Variants in UPRT observed in about 807,000 individuals in gnomAD.
The protein encoded by UPRT is uracil phosphoribosyltransferase homolog.
Under a neutral mutation model 22.6 loss-of-function variants are expected in UPRT, and 5 were observed. The observed-to-expected ratio is 0.22, with a 90% CI of 0.12 to 0.47. The LOEUF is 0.47. UPRT is among the 20% of genes least tolerant of loss of function. The probability of loss-of-function intolerance (pLI) is 0.99; values close to 1 mark genes in which losing one functional copy is unlikely to be tolerated. For synonymous variants in UPRT, 77 were observed against 87.7 expected (o/e 0.88, Z 0.68); for missense variants, 181 against 239.9 (o/e 0.75, Z 1.62).
intron 1 of UPRT, among the ~76,000 whole-genome samples, chrX:75,277,709 ACT>A (rs1336510632): frequency 9.0e-6 from 1 of 111,637 alleles, no homozygotes. Flanking sequence ...AATGAATTTA[ACT>A]CTATGTGGAA....
At chrX:75,202,253 C>A (rs981040393) in intron 4 of UPRT, among the ~76,000 whole-genome samples, 1 of 110,809 alleles carries the variant, frequency 9.0e-6, no homozygotes, top group East Asian at 2.8e-4. Context: ...TACTAAGATT[C>A]TTTTATTATT....
chrX:75,272,372 A>ATATATATATGTGTATATATATATG (rs2082614012), upstream of UPRT, among the ~76,000 whole-genome samples: 1 of 89,781 alleles, frequency 1.1e-5, no homozygotes, highest in Non-Finnish European at 2.1e-5. Context: ...ATATATATAT[A>ATATATATATGTGTATATATATATG]TGTATATATA....
At position 75,274,142 on chromosome X, in the gene UPRT, A is replaced by T. The variant is rs2082620756; in HGVS notation, c.-113A>T. 9.4e-7 allele frequency: 1 copy of T among 1,065,077 alleles called. No homozygotes were observed. Among genetic ancestry groups the T allele is most frequent in the South Asian group, 2.4e-5 (1 of 42,059 alleles). The allele number at this position is 1,065,077 out of a possible 1,213,427, so 87.8% of individuals were successfully genotyped here. On this transcript the variant is annotated 5_prime_UTR_variant, in exon 1 of 7. An upstream start codon of the reference 5' UTR is lost. Transcript: ENST00000373383. Reference sequence around the variant, plus strand: ...GGGGTGAAAGGACAGCCAGGGTTAGATGTTCTGAGGAGGCGGGAGCAACCG... The same window carrying T: ...GGGGTGAAAGGACAGCCAGGGTTAGTTGTTCTGAGGAGGCGGGAGCAACCG...
chrX:75,165,045 CTT>C (rs757316517), intron 3 of UPRT, among the ~76,000 whole-genome samples: 12 of 100,686 alleles, frequency 1.2e-4, no homozygotes, highest in Admixed American at 3.2e-4. Context: ...CAACTTAATC[CTT>C]TTTTTTTTTT....
intron 1 of UPRT, among the ~76,000 whole-genome samples, chrX:75,292,544 G>A (rs758873624): frequency 1.8e-5 from 2 of 111,684 alleles, no homozygotes; most frequent in Non-Finnish European, 1.9e-5. Flanking sequence ...TGAGGCAAAA[G>A]AGTGGAAATT....
At chrX:75,190,617 G>A (rs1011345110) in intron 4 of UPRT, among the ~76,000 whole-genome samples, 2 of 112,198 alleles carry the variant, frequency 1.8e-5, no homozygotes, top group East Asian at 5.6e-4. Flanking sequence ...AGGTACTCCA[G>A]TCAGATGTAG....
intron 4 of UPRT, among the ~76,000 whole-genome samples, chrX:75,217,824 G>C (rs1285489497): frequency 2.7e-4 from 30 of 112,206 alleles, no homozygotes; most frequent in African/African-American, 9.7e-4. Context: ...TGGGAAAACT[G>C]GCTAGCCAGA....
chrX:75,260,035 C>G (rs2082562521), intron 4 of UPRT, among the ~76,000 whole-genome samples: 2 of 111,767 alleles, frequency 1.8e-5, no homozygotes, highest in South Asian at 7.5e-4. Flanking sequence ...GAAATAAAAT[C>G]CTTTACAGAC....
At chrX:75,236,888 G>A (rs2082467673) in intron 4 of UPRT, among the ~76,000 whole-genome samples, 1 of 112,239 alleles carries the variant, frequency 8.9e-6, no homozygotes, top group Admixed American at 9.4e-5. Flanking sequence ...CATAGGCATG[G>A]CAAGGACTTC....
In UPRT at chrX:75,190,767, A is replaced by C. The variant is rs527900449; in HGVS notation, c.-447+22888A>C. Among the ~76,000 whole-genome samples, 4 of 112,303 alleles carry C rather than the reference A, an allele frequency of 3.6e-5. No homozygotes were observed. The South Asian group carries it at 1.5e-3, about 42-fold the overall frequency. ...TGATACCCTTTCTTCCAGTTGATTG[A>C]ATTGGTTACTGAAGCTTGTGCGTTC... is the stretch of plus-strand genomic sequence containing the variant. On this transcript the variant is annotated intron_variant, in intron 4 of 13. Transcript: ENST00000652605.
At chrX:75,222,475 A>C (rs1233262311) in intron 4 of UPRT, among the ~76,000 whole-genome samples, 1 of 111,946 alleles carries the variant, frequency 8.9e-6, no homozygotes, top group African/African-American at 3.2e-5. Context: ...TCCAGGAGCT[A>C]GGACCTGGAG....
chrX:75,269,223 G>A (rs191972465), upstream of UPRT, among the ~76,000 whole-genome samples: 212 of 111,630 alleles, frequency 1.9e-3, no homozygotes, highest in African/African-American at 6.4e-3. Context: ...TCTTCAAGGC[G>A]AACTAGAAAC....
intron 4 of UPRT, among the ~76,000 whole-genome samples, chrX:75,180,733 G>C (rs193023322): frequency 5.7e-4 from 17 of 29,835 alleles, no homozygotes; most frequent in Admixed American, 1.8e-3. Flanking sequence ...TTGTTAATTT[G>C]TTTACATTTC....
chrX:75,183,543 T>A (rs972406389), intron 4 of UPRT, among the ~76,000 whole-genome samples: 57 of 112,045 alleles, frequency 5.1e-4, no homozygotes, highest in African/African-American at 1.9e-3. Context: ...TACCCAGTAA[T>A]GGGATGGCTG....
At chrX:75,228,992 C>T (rs779328386) in intron 4 of UPRT, among the ~76,000 whole-genome samples, 1 of 111,771 alleles carries the variant, frequency 8.9e-6, no homozygotes, top group South Asian at 3.7e-4. Flanking sequence ...ATGTTGGTTG[C>T]CAGAGGCTGC....
intron 4 of UPRT, among the ~76,000 whole-genome samples, chrX:75,229,462 G>C (rs925312871): frequency 7.2e-5 from 8 of 111,763 alleles, no homozygotes; most frequent in African/African-American, 2.3e-4. Context: ...AACATACCAG[G>C]AAAACTGAGA....
At chrX:75,225,150 T>C (rs1219552401) in intron 4 of UPRT, among the ~76,000 whole-genome samples, 1 of 110,962 alleles carries the variant, frequency 9.0e-6, no homozygotes, top group Non-Finnish European at 1.9e-5. Context: ...ATTCTCAGCA[T>C]GTCATGCTCA....
At chrX:75,182,406 C>A (rs2082273233) in intron 4 of UPRT, among the ~76,000 whole-genome samples, 1 of 111,484 alleles carries the variant, frequency 9.0e-6, no homozygotes, top group Admixed American at 9.5e-5. Context: ...TTCCTCAATT[C>A]TTTGGAATAG....
intron 4 of UPRT, among the ~76,000 whole-genome samples, chrX:75,240,696 T>C (rs1049538404): frequency 1.8e-5 from 2 of 111,788 alleles, no homozygotes; most frequent in Non-Finnish European, 3.8e-5. Flanking sequence ...AAGGCTGTAG[T>C]TGCCAAAACA....
Sources: allele counts gnomAD v4.1 joint callset (sites outside exome capture counted in the v4.1 genomes callset), GRCh38; gene constraint gnomAD v4.1.1; transcripts MANE v1.5; gene names NCBI Gene and HGNC (gene_info 2026-07-23, HGNC 2026-07-21).